Variants in KCNK2 observed in about 807,000 individuals in gnomAD.
The protein encoded by KCNK2 is potassium two pore domain channel subfamily K member 2.
Under a neutral mutation model 40.5 loss-of-function variants are expected in KCNK2, and 21 were observed. The observed-to-expected ratio is 0.52, with a 90% CI of 0.37 to 0.75. KCNK2 has a LOEUF of 0.75. Among genes scored for constraint, KCNK2 ranks in the 30% least tolerant of loss-of-function variants. The pLI, the probability that KCNK2 is intolerant of heterozygous loss-of-function variation, is 0.00. For missense variants in KCNK2, 399 were observed against 531.6 expected (o/e 0.75, Z 2.45); for synonymous variants, 191 against 202.2 (o/e 0.94, Z 0.47).
At chr1:215,153,580 A>AT (rs35617434) in intron 3 of KCNK2, among the ~76,000 whole-genome samples, 26 of 105,034 alleles carry the variant, frequency 2.5e-4, no homozygotes, top group East Asian at 5.7e-4. Flanking sequence ...ATATATATAT[A>AT]TTTTTTTTTC....
chr1:215,182,727 G>A (rs540479497), intron 5 of KCNK2, among the ~76,000 whole-genome samples: 3 of 152,244 alleles, frequency 2.0e-5, no homozygotes, highest in Non-Finnish European at 2.9e-5. Flanking sequence ...AATCCTGTGC[G>A]GGCACACTAC....
At chr1:215,135,354 A>G (rs970883891) in intron 3 of KCNK2, among the ~76,000 whole-genome samples, 1 of 152,144 alleles carries the variant, frequency 6.6e-6, no homozygotes, top group African/African-American at 2.4e-5. Flanking sequence ...AAGAGTTGTG[A>G]AGACTAAATG....
intron 1 of KCNK2, among the ~76,000 whole-genome samples, chr1:215,018,893 A>C (rs895171481): frequency 6.6e-6 from 1 of 152,134 alleles, no homozygotes; most frequent in African/African-American, 2.4e-5. Flanking sequence ...CAAGAGCAGA[A>C]TCACAGAAAG....
chr1:215,021,348 G>A (rs995986754), intron 1 of KCNK2, among the ~76,000 whole-genome samples: 11 of 121,310 alleles, frequency 9.1e-5, no homozygotes, highest in African/African-American at 1.9e-4. Flanking sequence ...AGCTGGGAAA[G>A]CATTATGTCT....
At position 215,098,776 on chromosome 1, in the gene KCNK2, T is replaced by C. The variant is rs1351604244; in HGVS notation, c.357+12098T>C. Among the ~76,000 whole-genome samples the C allele has an allele frequency of 2.0e-5, 3 of 152,068 alleles. No homozygotes were observed. In the East Asian group the frequency reaches 5.8e-4, roughly 30 times the overall value. ...ATCTTCTTTTTATGACAACTTACAT[T>C]TTGTGAATTGATTTTTGTCTCTGTC... On this transcript the variant is annotated intron_variant, in intron 2 of 6. Coordinates refer to ENST00000444842, the MANE Select transcript of KCNK2 (RefSeq NM_001017425.3).
At chr1:215,142,259 C>G (rs974535203) in intron 3 of KCNK2, among the ~76,000 whole-genome samples, 1 of 152,034 alleles carries the variant, frequency 6.6e-6, no homozygotes. Context: ...GATTTCCAAA[C>G]ATATTCTGGG....
intron 6 of KCNK2, among the ~76,000 whole-genome samples, chr1:215,200,852 G>A (rs1049047865): frequency 1.3e-5 from 2 of 152,196 alleles, no homozygotes; most frequent in East Asian, 1.9e-4. Flanking sequence ...GCTGGAAAAT[G>A]AGAGATTTTG....
intron 1 of KCNK2, among the ~76,000 whole-genome samples, chr1:215,051,460 A>C (rs1657987660): frequency 6.6e-6 from 1 of 152,182 alleles, no homozygotes; most frequent in Non-Finnish European, 1.5e-5. Context: ...GTACTATAAA[A>C]TTGTTTATAT....
At chr1:215,190,114 T>A (rs1183978875) in intron 5 of KCNK2, among the ~76,000 whole-genome samples, 3 of 152,218 alleles carry the variant, frequency 2.0e-5, no homozygotes, top group Non-Finnish European at 4.4e-5. Flanking sequence ...TTTTTCTTCC[T>A]TCCTAAATAT....
chr1:215,157,108 G>C (rs920289757), intron 3 of KCNK2, among the ~76,000 whole-genome samples: 2 of 152,152 alleles, frequency 1.3e-5, no homozygotes, highest in African/African-American at 4.8e-5. Context: ...GACACTTGGG[G>C]AGTGTAATTG....
chr1:215,112,598 A>AC (rs1380510793), intron 2 of KCNK2, among the ~76,000 whole-genome samples: 1 of 152,098 alleles, frequency 6.6e-6, no homozygotes, highest in Non-Finnish European at 1.5e-5. Context: ...ACATTCACTC[A>AC]CCACTCACTC....
chr1:215,071,863 T>C (rs1406351383), intron 1 of KCNK2, among the ~76,000 whole-genome samples: 1 of 151,632 alleles, frequency 6.6e-6, no homozygotes, highest in Admixed American at 6.6e-5. Flanking sequence ...GCGGGGAGGG[T>C]AAATGTCAGT....
chr1:215,117,272 ATC>A lies in KCNK2; in HGVS notation c.358-7357_358-7356del, dbSNP rs556037569. Among the ~76,000 whole-genome samples, 38 of 152,242 alleles carry A rather than the reference ATC, an allele frequency of 2.5e-4. No homozygotes were observed. The South Asian group carries it at 6.2e-3, about 25-fold the overall frequency. ...TTAATTATCTTAAATATTAAATAGT[ATC>A]TCTGGATCTCTCAGATGTATGCAAA... is the stretch of plus-strand genomic sequence containing the variant. On this transcript the variant is annotated intron_variant, in intron 2 of 6. Transcript: ENST00000444842.
chr1:215,129,643 C>T (rs1661580048), intron 3 of KCNK2, among the ~76,000 whole-genome samples: 1 of 152,040 alleles, frequency 6.6e-6, no homozygotes, highest in African/African-American at 2.4e-5. Context: ...CTGGGTGGGA[C>T]AGATTTTGGC....
intron 1 of KCNK2, among the ~76,000 whole-genome samples, chr1:215,084,836 G>A (rs1469169726): frequency 6.6e-6 from 1 of 152,176 alleles, no homozygotes; most frequent in Non-Finnish European, 1.5e-5. Flanking sequence ...CCTCATCACA[G>A]CTCTAATTTC....
At chr1:215,164,313 C>CT (rs1415787687) in intron 3 of KCNK2, among the ~76,000 whole-genome samples, 2 of 151,944 alleles carry the variant, frequency 1.3e-5, no homozygotes, top group African/African-American at 2.4e-5. Context: ...TCTCTCTTTT[C>CT]TTTTTTATTA....
intron 6 of KCNK2, among the ~76,000 whole-genome samples, chr1:215,225,105 C>A (rs901773694): frequency 6.6e-6 from 1 of 152,080 alleles, no homozygotes; most frequent in Non-Finnish European, 1.5e-5. Flanking sequence ...AACACTAAGC[C>A]CAGGACTTGG....
chr1:215,109,828 ATT>A (rs1164910285), intron 2 of KCNK2, among the ~76,000 whole-genome samples: 1 of 152,080 alleles, frequency 6.6e-6, no homozygotes, highest in African/African-American at 2.4e-5. Flanking sequence ...ACTGATTTAC[ATT>A]TCCACCAGCA....
intron 3 of KCNK2, among the ~76,000 whole-genome samples, chr1:215,157,508 T>C (rs1662986300): frequency 6.6e-6 from 1 of 152,222 alleles, no homozygotes; most frequent in African/African-American, 2.4e-5. Flanking sequence ...ATGACTGCCA[T>C]TCCTTCCACT....
Sources: allele counts gnomAD v4.1 joint callset (sites outside exome capture counted in the v4.1 genomes callset), GRCh38; gene constraint gnomAD v4.1.1; transcripts MANE v1.5; gene names NCBI Gene and HGNC (gene_info 2026-07-23, HGNC 2026-07-21).